The following PTPRN2 variants were observed in gnomAD, a reference collection of about 807,000 sequenced individuals.
PTPRN2 encodes the protein receptor-type tyrosine-protein phosphatase N2.
PTPRN2 carries 74 observed loss-of-function variants against 118.8 expected under a neutral mutation model. The ratio of observed to expected loss-of-function variants is 0.62; its 90% confidence interval spans 0.52 to 0.76. The LOEUF (loss-of-function observed/expected upper bound fraction) is 0.76, where lower values mean the gene tolerates loss of function less well. Ranked by LOEUF, PTPRN2 falls within the 30% of genes least tolerant of loss-of-function variation. The pLI is 0.00. For missense variants in PTPRN2, 1,481 were observed against 1,394.4 expected (o/e 1.06, Z -0.99); for synonymous variants, 641 against 608.0 (o/e 1.05, Z -0.80).
chr7:158,574,642 C>T lies in PTPRN2; in HGVS notation c.112+12916G>A, dbSNP rs1828225077. On this transcript the variant is annotated intron_variant, in intron 1 of 22. Coordinates refer to ENST00000389418, the MANE Select transcript of PTPRN2 (RefSeq NM_002847.5). The surrounding 1 kb of genome is among the most constrained non-coding windows in gnomAD (Gnocchi z 4.6). ...ATCAGATTTTCAGTTGTGGCAGTTA[C>T]TCTAGCCAGAACTGGAAGGTGGCAT... 6.6e-6 allele frequency among the ~76,000 whole-genome samples: 1 copy of T among 152,228 alleles called. No homozygotes were observed. Among genetic ancestry groups the T allele is most frequent in the Non-Finnish European group, 1.5e-5 (1 of 68,026 alleles).
chr7:157,767,072 C>A (rs1246652463), intron 12 of PTPRN2, among the ~76,000 whole-genome samples: 1 of 152,178 alleles, frequency 6.6e-6, no homozygotes, highest in Admixed American at 6.5e-5. Context: ...ACAGCTCCCC[C>A]TGCAGGGTAG....
intron 11 of PTPRN2, among the ~76,000 whole-genome samples, chr7:158,051,468 C>G (rs1809321368): frequency 6.6e-6 from 1 of 152,224 alleles, no homozygotes; most frequent in African/African-American, 2.4e-5. Flanking sequence ...CTCACATACC[C>G]TCCCTGTGTC....
intron 11 of PTPRN2, among the ~76,000 whole-genome samples, chr7:157,967,833 A>T (rs974583986): frequency 2.6e-5 from 4 of 152,248 alleles, no homozygotes; most frequent in Non-Finnish European, 5.9e-5. Flanking sequence ...GGCTGAATCC[A>T]GGGAGAAGGG....
In PTPRN2 at chr7:158,337,499, A is replaced by C. The variant is rs1415804744; in HGVS notation, c.164-20567T>G. On this transcript the variant is annotated intron_variant, in intron 2 of 22. Transcript: ENST00000389418. ...ATAAGAGGTGACACCTGCAGACGTC[A>C]CTCGCACCCACACTCTCACCATAAG... 2.0e-5 allele frequency among the ~76,000 whole-genome samples: 3 copies of C among 149,838 alleles called. No homozygotes were observed. In the East Asian group the frequency reaches 6.0e-4, roughly 30 times the overall value.
At position 158,571,525 on chromosome 7, in the gene PTPRN2, CTTTTTTTTTTT is replaced by C. The variant is rs552051165; in HGVS notation, c.112+16022_112+16032del. ...AACAAAAAAAAACACACACCTATTTCTTTTTTTTTTTTTTTTTTTTTCTTTTGAGCAGGAGT... is the reference window on the plus strand; with the variant it reads ...AACAAAAAAAAACACACACCTATTTCTTTTTTTTTTCTTTTGAGCAGGAGT... On this transcript the variant is annotated intron_variant, in intron 1 of 22. Coordinates refer to ENST00000389418, the MANE Select transcript of PTPRN2 (RefSeq NM_002847.5). Among the ~76,000 whole-genome samples the C allele has an allele frequency of 4.0e-3, 289 of 71,806 alleles. 3 individuals carry two copies. The highest frequency in any genetic ancestry group is 0.013 in the African/African-American group (274 of 21,676). The allele number at this position is 71,806 out of a possible 152,430, so 47.1% of individuals were successfully genotyped here.
chr7:157,685,624 A>C (rs1797148835), intron 12 of PTPRN2, among the ~76,000 whole-genome samples: 1 of 152,092 alleles, frequency 6.6e-6, no homozygotes, highest in South Asian at 2.1e-4. Flanking sequence ...GGCTGTTCCC[A>C]GGGAGGCAGA....
intron 6 of PTPRN2, among the ~76,000 whole-genome samples, chr7:158,139,537 A>G (rs1819178876): frequency 6.6e-6 from 1 of 152,062 alleles, no homozygotes; most frequent in South Asian, 2.1e-4. Flanking sequence ...GAAAGCCCAC[A>G]AGTCTCTCAA....
chr7:158,340,594 A>G (rs1465404764), intron 2 of PTPRN2, among the ~76,000 whole-genome samples: 148 of 114,352 alleles, frequency 1.3e-3, no homozygotes, highest in South Asian at 9.6e-4. Context: ...ACGCCCGCAG[A>G]CATCACTCAC....
chr7:157,574,458 C>T (rs368688835), intron 19 of PTPRN2: 22 of 521,324 alleles, frequency 4.2e-5, no homozygotes, highest in Non-Finnish European at 7.2e-5. Context: ...TCCGTTTTAC[C>T]GTGAGCAGCG....
intron 2 of PTPRN2, among the ~76,000 whole-genome samples, chr7:158,388,078 C>T (rs925477180): frequency 2.0e-5 from 3 of 152,192 alleles, no homozygotes; most frequent in African/African-American, 4.8e-5. Context: ...CTTCTCCCCA[C>T]AGAAAATACT....
chr7:158,429,332 G>C (rs547266826), intron 2 of PTPRN2, among the ~76,000 whole-genome samples: 1 of 152,308 alleles, frequency 6.6e-6, no homozygotes, highest in Non-Finnish European at 1.5e-5. Context: ...TTAGGAAGGT[G>C]GTGCTAGGCT....
At chr7:157,686,319 AG>A (rs1485454323) in intron 12 of PTPRN2, among the ~76,000 whole-genome samples, 1 of 152,226 alleles carries the variant, frequency 6.6e-6, no homozygotes, top group Non-Finnish European at 1.5e-5. Context: ...GTTGGCTGCA[AG>A]TCAGGTCTTA....
chr7:158,342,486 ACG>A (rs1807090839), intron 2 of PTPRN2, among the ~76,000 whole-genome samples: 2 of 79,970 alleles, frequency 2.5e-5, no homozygotes, highest in African/African-American at 6.5e-5. Context: ...ACACCTGCAG[ACG>A]TCACTCAAAC....
chr7:158,388,262 G>A (rs960952386), intron 2 of PTPRN2, among the ~76,000 whole-genome samples: 10 of 152,086 alleles, frequency 6.6e-5, no homozygotes, highest in African/African-American at 1.2e-4. Flanking sequence ...CACGGTTCAC[G>A]TCAATCCCGG....
At chr7:158,166,690 C>A (rs73745193) in intron 6 of PTPRN2, among the ~76,000 whole-genome samples, 3 of 151,998 alleles carry the variant, frequency 2.0e-5, no homozygotes, top group Non-Finnish European at 4.4e-5. Context: ...GATCACCTCC[C>A]GCCTCTCACT....
chr7:158,014,169 C>G (rs1480922194), intron 11 of PTPRN2, among the ~76,000 whole-genome samples: 2 of 147,264 alleles, frequency 1.4e-5, no homozygotes, highest in African/African-American at 5.0e-5. Context: ...CCTATTCATC[C>G]ATCCATCTAC....
At chr7:158,046,764 A>G (rs1029037752) in intron 11 of PTPRN2, among the ~76,000 whole-genome samples, 1 of 152,158 alleles carries the variant, frequency 6.6e-6, no homozygotes, top group African/African-American at 2.4e-5. Flanking sequence ...CCTGAAGCAG[A>G]TTTCCTAACC....
intron 4 of PTPRN2, among the ~76,000 whole-genome samples, chr7:158,197,471 A>G (rs539951339): frequency 3.3e-5 from 5 of 152,282 alleles, no homozygotes; most frequent in African/African-American, 1.2e-4. Flanking sequence ...TAGGTGTGTG[A>G]TACCTGCATG....
intron 12 of PTPRN2, among the ~76,000 whole-genome samples, chr7:157,694,572 T>A (rs1797677677): frequency 6.6e-6 from 1 of 152,230 alleles, no homozygotes; most frequent in African/African-American, 2.4e-5. Context: ...TTTAGTCTAT[T>A]GCTTCAGAAA....
Sources: allele counts gnomAD v4.1 joint callset (sites outside exome capture counted in the v4.1 genomes callset), GRCh38; gene constraint gnomAD v4.1.1; non-coding constraint Gnocchi (gnomAD v3.1); transcripts MANE v1.5; gene names NCBI Gene and HGNC (gene_info 2026-07-23, HGNC 2026-07-21).